The following TSC22D2 variants were observed in gnomAD, a reference collection of about 807,000 sequenced individuals.
TSC22D2 encodes TSC22 domain family protein 2.
In TSC22D2, 5 loss-of-function variants were observed where a neutral mutation model predicts 50.1. The observed-to-expected ratio is 0.10, with a 90% CI of 0.05 to 0.21. TSC22D2 has a LOEUF of 0.21. TSC22D2 is among the 10% of genes least tolerant of loss of function. The pLI, the probability that TSC22D2 is intolerant of heterozygous loss-of-function variation, is 1.00. For synonymous variants in TSC22D2, 501 were observed against 450.1 expected (o/e 1.11, Z -1.43); for missense variants, 1,003 against 1,015.5 (o/e 0.99, Z 0.17).
intron 1 of TSC22D2, among the ~76,000 whole-genome samples, chr3:150,450,811 C>A (rs905418411): frequency 7.2e-5 from 11 of 151,986 alleles, no homozygotes; most frequent in African/African-American, 2.7e-4. Context: ...CTCGCATTTT[C>A]TTAATTTTCT....
At chr3:150,412,626 G>A (rs1180014659) in intron 1 of TSC22D2, among the ~76,000 whole-genome samples, 3 of 152,064 alleles carry the variant, frequency 2.0e-5, no homozygotes, top group African/African-American at 7.2e-5. Flanking sequence ...ACTTGCTTAT[G>A]GGGAGTCTTT....
chr3:150,431,707 C>T (rs980376239), intron 1 of TSC22D2, among the ~76,000 whole-genome samples: 13 of 152,052 alleles, frequency 8.5e-5, no homozygotes, highest in Admixed American at 4.6e-4. Context: ...CCAGCTGAAA[C>T]GACTACTAGA....
chr3:150,456,116 A>AT (rs1279403932), intron 1 of TSC22D2, among the ~76,000 whole-genome samples: 1 of 151,814 alleles, frequency 6.6e-6, no homozygotes, highest in Non-Finnish European at 1.5e-5. Context: ...CTTATAGGTG[A>AT]TTTTTGCCAG....
At chr3:150,454,109 G>A (rs1031694239) in intron 1 of TSC22D2, among the ~76,000 whole-genome samples, 2 of 152,164 alleles carry the variant, frequency 1.3e-5, no homozygotes, top group African/African-American at 4.8e-5. Context: ...TAAAAAGTTT[G>A]CGAAGATTGG....
chr3:150,447,327 C>T (rs1720916510), intron 1 of TSC22D2, among the ~76,000 whole-genome samples: 1 of 152,068 alleles, frequency 6.6e-6, no homozygotes, highest in African/African-American at 2.4e-5. Context: ...GTGTTTTGGC[C>T]CCACTTGTCT....
chr3:150,450,543 T>A (rs185348983), intron 1 of TSC22D2, among the ~76,000 whole-genome samples: 1 of 152,172 alleles, frequency 6.6e-6, no homozygotes, highest in East Asian at 1.9e-4. Context: ...ACATTTTGAG[T>A]TCTTAGTTTA....
intron 1 of TSC22D2, among the ~76,000 whole-genome samples, chr3:150,413,268 C>T (rs1719659034): frequency 6.6e-6 from 1 of 152,188 alleles, no homozygotes; most frequent in Admixed American, 6.5e-5. Context: ...ACTACAGATA[C>T]TACTGTATCA....
At chr3:150,420,473 TTGAA>T (rs1421449149) in intron 1 of TSC22D2, among the ~76,000 whole-genome samples, 1 of 152,254 alleles carries the variant, frequency 6.6e-6, no homozygotes, top group Non-Finnish European at 1.5e-5. Context: ...CTTCTTCACT[TTGAA>T]TGTATGTAGA....
Position 150,409,908 on chromosome 3 carries a change from T to C in TSC22D2, c.558T>C (p.Tyr186=). 1 of 1,613,734 alleles carries C rather than the reference T, an allele frequency of 6.2e-7. No homozygotes were observed. The highest frequency in any genetic ancestry group is 8.5e-7 in the Non-Finnish European group (1 of 1,179,992). ...GCCGATGGACGTGTATGGAATACTA[T>C]GAGAGGGATTCAGACAGCAGCGTCC... ...RRGRWTCMEY[Y]ERDSDSSVLT... is the part of the protein sequence containing the mutation. Residue 186 remains tyrosine (Y), a synonymous_variant, in exon 1 of 3, where the codon TAT becomes TAC. Coordinates refer to ENST00000688009, the MANE Select transcript of TSC22D2 (RefSeq NM_001303264.2). This position sits in a 1 kb window ranked among gnomAD's most constrained non-coding sequence, Gnocchi z 7.4.
intron 1 of TSC22D2, among the ~76,000 whole-genome samples, chr3:150,448,002 A>G (rs1720935841): frequency 6.6e-6 from 1 of 152,206 alleles, no homozygotes; most frequent in Non-Finnish European, 1.5e-5. Flanking sequence ...CAGTAAAATG[A>G]AATCTCTTTC....
intron 1 of TSC22D2, among the ~76,000 whole-genome samples, chr3:150,438,676 G>A (rs1720624489): frequency 6.6e-6 from 1 of 151,962 alleles, no homozygotes; most frequent in South Asian, 2.1e-4. Flanking sequence ...CTTTTTAGGT[G>A]TTATACCAGG....
intron 1 of TSC22D2, among the ~76,000 whole-genome samples, chr3:150,441,547 C>T (rs1689471614): frequency 6.6e-6 from 1 of 152,006 alleles, no homozygotes; most frequent in South Asian, 2.1e-4. Context: ...ATGACTTGAG[C>T]CCAGGAGTTC....
At chr3:150,443,793 A>G (rs758200842) in intron 1 of TSC22D2, among the ~76,000 whole-genome samples, 24 of 152,244 alleles carry the variant, frequency 1.6e-4, no homozygotes, top group Non-Finnish European at 3.4e-4. Flanking sequence ...GCATGATTAT[A>G]CAATCAAGCT....
rs1165133345 is a variant in TSC22D2, at chr3:150,460,168, A to C, written c.*1532A>C. 1 of 152,196 alleles carries C rather than the reference A, an allele frequency of 6.6e-6. No individual in the cohort carries two copies. Among genetic ancestry groups the C allele is most frequent in the Non-Finnish European group, 1.5e-5 (1 of 68,010 alleles). 9.4% of individuals were successfully genotyped at this position (152,196 alleles called of 1,614,324 possible). On this transcript the variant is annotated 3_prime_UTR_variant, in exon 3 of 3. Transcript: ENST00000688009. ...AATTTGACTAGATTTGTATTTTCAC[A>C]GTTCAAAATACTCCTTAAAGACCTG...
At chr3:150,424,209 A>C (rs1166953761) in intron 1 of TSC22D2, among the ~76,000 whole-genome samples, 2 of 152,204 alleles carry the variant, frequency 1.3e-5, no homozygotes, top group Non-Finnish European at 2.9e-5. Flanking sequence ...TTATAAAATA[A>C]ATTTTTAAAT....
At chr3:150,436,599 C>T (rs1257272667) in intron 1 of TSC22D2, among the ~76,000 whole-genome samples, 2 of 152,110 alleles carry the variant, frequency 1.3e-5, no homozygotes, top group Non-Finnish European at 2.9e-5. Context: ...TTTCTTAAAA[C>T]ATTTGGTAAT....
chr3:150,429,556 C>G (rs1401884755), intron 1 of TSC22D2, among the ~76,000 whole-genome samples: 1 of 152,024 alleles, frequency 6.6e-6, no homozygotes. Context: ...AATTGATGCT[C>G]TCAAAATATA....
rs1312152422 is a variant in TSC22D2 at position 150,463,800 on chromosome 3, G to A, written c.*5164G>A. ...TAAGACAGATTTTCAGATTGGTGAT[G>A]GCAAAGTAAGACGCTGGTATTTTGC... On this transcript the variant is annotated 3_prime_UTR_variant, in exon 3 of 3. Coordinates refer to ENST00000688009, the MANE Select transcript of TSC22D2 (RefSeq NM_001303264.2). 6.6e-6 allele frequency: 1 copy of A among 152,092 alleles called. No homozygotes were observed. The highest frequency in any genetic ancestry group is 1.5e-5 in the Non-Finnish European group (1 of 68,018). 9.4% of individuals were successfully genotyped at this position (152,092 alleles called of 1,614,324 possible).
chr3:150,449,923 A>AT (rs1720991294), intron 1 of TSC22D2, among the ~76,000 whole-genome samples: 1 of 151,846 alleles, frequency 6.6e-6, no homozygotes, highest in African/African-American at 2.4e-5. Context: ...CCATTTTTCT[A>AT]TTGGGCATCT....
Sources: allele counts gnomAD v4.1 joint callset (sites outside exome capture counted in the v4.1 genomes callset), GRCh38; gene constraint gnomAD v4.1.1; non-coding constraint Gnocchi (gnomAD v3.1); transcripts MANE v1.5; gene names NCBI Gene and HGNC (gene_info 2026-07-23, HGNC 2026-07-21).